The following MARCHF1 variants were observed in gnomAD, a reference collection of about 807,000 sequenced individuals.
MARCHF1 encodes the protein E3 ubiquitin-protein ligase MARCHF1.
MARCHF1 carries 40 observed loss-of-function variants against 54.2 expected under a neutral mutation model. The observed-to-expected ratio is 0.74, with a 90% CI of 0.57 to 0.96. The LOEUF (loss-of-function observed/expected upper bound fraction) is 0.96. Ranked by LOEUF, MARCHF1 falls within the 40% of genes least tolerant of loss-of-function variation. MARCHF1 has a pLI of 0.00. For synonymous variants in MARCHF1, 236 were observed against 236.3 expected (o/e 1.00, Z 0.01); for missense variants, 586 against 656.5 (o/e 0.89, Z 1.17).
chr4:163,690,562 C>T (rs868720732), intron 5 of MARCHF1, among the ~76,000 whole-genome samples: 3 of 152,148 alleles, frequency 2.0e-5, no homozygotes, highest in Non-Finnish European at 4.4e-5. Context: ...TTAAAAAGTG[C>T]TTCCCATTCT....
At chr4:163,863,173 C>T (rs1402137659) in intron 3 of MARCHF1, among the ~76,000 whole-genome samples, 2 of 151,926 alleles carry the variant, frequency 1.3e-5, no homozygotes, top group African/African-American at 4.8e-5. Flanking sequence ...GACATCATTT[C>T]GAGTTCAGGG....
intron 5 of MARCHF1, among the ~76,000 whole-genome samples, chr4:163,683,582 A>C (rs1451516236): frequency 6.6e-6 from 1 of 152,190 alleles, no homozygotes; most frequent in Non-Finnish European, 1.5e-5. Flanking sequence ...AAAAAAAACT[A>C]GTTGGAACGA....
intron 2 of MARCHF1, among the ~76,000 whole-genome samples, chr4:164,108,328 C>T (rs1325233568): frequency 2.0e-5 from 3 of 151,928 alleles, no homozygotes; most frequent in Admixed American, 6.6e-5. Flanking sequence ...TCTGTAATAA[C>T]GATTTTTTAC....
At chr4:164,241,443 T>G (rs539346870) in intron 1 of MARCHF1, among the ~76,000 whole-genome samples, 1 of 152,272 alleles carries the variant, frequency 6.6e-6, no homozygotes, top group Admixed American at 6.5e-5. Flanking sequence ...CTAGATTGAT[T>G]AATATTTTCA....
chr4:164,238,842 G>T (rs1364861637), intron 1 of MARCHF1, among the ~76,000 whole-genome samples: 1 of 151,724 alleles, frequency 6.6e-6, no homozygotes, highest in Non-Finnish European at 1.5e-5. Flanking sequence ...GGTCATTTTG[G>T]ATGAAACTAT....
At chr4:163,764,785 G>A (rs934455155) in intron 4 of MARCHF1, among the ~76,000 whole-genome samples, 1 of 152,016 alleles carries the variant, frequency 6.6e-6, no homozygotes, top group Non-Finnish European at 1.5e-5. Context: ...AGTTATTGAG[G>A]GTTGTCACTA....
At chr4:163,840,571 T>C (rs928027264) in intron 4 of MARCHF1, among the ~76,000 whole-genome samples, 1 of 151,962 alleles carries the variant, frequency 6.6e-6, no homozygotes, top group Non-Finnish European at 1.5e-5. Context: ...GAAGGCAGAA[T>C]AAAAGTATGA....
At chr4:163,731,678 A>C (rs373573722) in intron 4 of MARCHF1, among the ~76,000 whole-genome samples, 5 of 152,220 alleles carry the variant, frequency 3.3e-5, no homozygotes. Flanking sequence ...AGTATTGATC[A>C]TCACATATAT....
At chr4:164,099,522 T>A (rs1361528704) in intron 2 of MARCHF1, among the ~76,000 whole-genome samples, 1 of 152,172 alleles carries the variant, frequency 6.6e-6, no homozygotes, top group Non-Finnish European at 1.5e-5. Flanking sequence ...CTCAGATAAG[T>A]ATTACATAAG....
At chr4:164,233,456 T>A (rs2111186213) in intron 1 of MARCHF1, among the ~76,000 whole-genome samples, 1 of 152,306 alleles carries the variant, frequency 6.6e-6, no homozygotes, top group Middle Eastern at 3.4e-3. Context: ...AAATTTGTCT[T>A]CATGGCTGGC....
intron 2 of MARCHF1, among the ~76,000 whole-genome samples, chr4:164,018,925 T>A (rs1261200161): frequency 2.0e-5 from 3 of 152,190 alleles, no homozygotes; most frequent in Non-Finnish European, 1.5e-5. Flanking sequence ...TTAAAATCCG[T>A]AATCCACAAG....
intron 4 of MARCHF1, among the ~76,000 whole-genome samples, chr4:163,810,078 C>T (rs564260320): frequency 8.4e-4 from 127 of 151,672 alleles, no homozygotes; most frequent in Non-Finnish European, 1.4e-3. Context: ...TGGGAAAGAC[C>T]GATGCAAGGT....
intron 5 of MARCHF1, among the ~76,000 whole-genome samples, chr4:163,637,762 T>G (rs879478055): frequency 7.2e-5 from 11 of 151,938 alleles, no homozygotes; most frequent in Admixed American, 2.6e-4. Flanking sequence ...CAAAGGACTA[T>G]AAATCATGCT....
chr4:163,898,880 T>C lies in MARCHF1; in HGVS notation c.-38-44711A>G, dbSNP rs184883174. Among the ~76,000 whole-genome samples the C allele has an allele frequency of 1.4e-3, 217 of 152,054 alleles. 1 individual carries two copies. In the Middle Eastern group the frequency reaches 0.017, roughly 12 times the overall value. On this transcript the variant is annotated intron_variant, in intron 3 of 9. Coordinates refer to ENST00000514618, the MANE Select transcript of MARCHF1 (RefSeq NM_001394959.1). The stretch of plus-strand genomic sequence containing the variant: ...CATAAAAAGAATAAAATCATGTTCT[T>C]TGCAGCAATATAGGTGGAGCTGGAG...
chr4:164,329,593 G>A (rs535815021), intron 1 of MARCHF1, among the ~76,000 whole-genome samples: 6 of 152,266 alleles, frequency 3.9e-5, no homozygotes, highest in African/African-American at 7.2e-5. Context: ...AAGAAAAGAC[G>A]TTTAATTGGC....
At chr4:163,872,159 A>G (rs1372871741) in intron 3 of MARCHF1, among the ~76,000 whole-genome samples, 1 of 152,198 alleles carries the variant, frequency 6.6e-6, no homozygotes, top group African/African-American at 2.4e-5. Flanking sequence ...GAATAACCAG[A>G]GGTAGCCTGC....
At chr4:164,111,280 A>G (rs1373485770) in intron 2 of MARCHF1, among the ~76,000 whole-genome samples, 1 of 151,750 alleles carries the variant, frequency 6.6e-6, no homozygotes, top group Non-Finnish European at 1.5e-5. Context: ...TTACCTATAT[A>G]TTTGCCAAGG....
Position 163,796,202 on chromosome 4 carries a change from C to G in MARCHF1, c.111+57819G>C, listed in dbSNP as rs1043399450. On this transcript the variant is annotated intron_variant, in intron 4 of 9. Coordinates refer to ENST00000514618, the MANE Select transcript of MARCHF1 (RefSeq NM_001394959.1). ...ATGTAAATGTGTGACTATATACTTC[C>G]AGAAAAGTGAAACTTCTAGTTTTTT... 2.0e-5 allele frequency among the ~76,000 whole-genome samples: 3 copies of G among 148,714 alleles called. No individual in the cohort carries two copies. In the South Asian group the frequency reaches 6.4e-4, roughly 32 times the overall value.
At chr4:164,085,349 A>G (rs1457028712) in intron 2 of MARCHF1, among the ~76,000 whole-genome samples, 2 of 151,878 alleles carry the variant, frequency 1.3e-5, no homozygotes, top group Non-Finnish European at 3.0e-5. Context: ...GCAAAGATTT[A>G]GCCCAACTTA....
Sources: gnomAD v4.1 joint callset for allele counts (sites outside exome capture counted in the v4.1 genomes callset) on GRCh38, gnomAD v4.1.1 for gene constraint, MANE v1.5 for transcripts, NCBI Gene and HGNC (gene_info 2026-07-23, HGNC 2026-07-21) for gene names.